NECAP2: variants seen among roughly 807,000 people sequenced by gnomAD.
NECAP2 encodes adaptin ear-binding coat-associated protein 2.
NECAP2 carries 38 observed loss-of-function variants against 37.8 expected under a neutral mutation model. That is an observed-to-expected ratio of 1.01 (90% CI 0.78 to 1.32). The LOEUF (loss-of-function observed/expected upper bound fraction) is 1.32, where lower values mean the gene tolerates loss of function less well. Among genes scored for constraint, NECAP2 ranks in the 40% most tolerant of loss-of-function variants. NECAP2 has a pLI of 0.00. For synonymous variants in NECAP2, 121 were observed against 127.7 expected (o/e 0.95, Z 0.35); for missense variants, 316 against 334.5 (o/e 0.94, Z 0.43).
rs112886526 is a variant in NECAP2 at position 16,441,284 on chromosome 1, C to G, written c.92+431C>G. 260 of 173,462 alleles carry G rather than the reference C, an allele frequency of 1.5e-3. 2 individuals are homozygous for G. Among genetic ancestry groups the G allele is most frequent in the African/African-American group, 5.7e-3 (242 of 42,332 alleles). The allele number at this position is 173,462 out of a possible 1,614,324, so 10.7% of individuals were successfully genotyped here. A position where few individuals can be genotyped will look rare whatever the true frequency, so the allele number is the denominator to read the frequency against. The stretch of plus-strand genomic sequence containing the variant: ...CCAGAGCCGGCTGAAAGGACCGGTC[C>G]CGGGGAGCTTTAAGGTGACGGTCGA... On this transcript the variant is annotated intron_variant, in intron 1 of 7. Coordinates refer to ENST00000337132, the MANE Select transcript of NECAP2 (RefSeq NM_018090.5).
chr1:16,459,519 G>A lies in NECAP2; in HGVS notation c.*629G>A, dbSNP rs2086982895. 1 of 152,300 alleles carries A rather than the reference G, an allele frequency of 6.6e-6. No individual in the cohort carries two copies. The highest frequency in any genetic ancestry group is 6.5e-5 in the Admixed American group (1 of 15,276). 9.4% of individuals were successfully genotyped at this position (152,300 alleles called of 1,614,324 possible). Reference sequence around the variant, plus strand: ...CTTTGCAAAAGGAACTGCTCCCTCGGCGTGCCCCAGCTGGGGCCTCTGAAG... The same window carrying A: ...CTTTGCAAAAGGAACTGCTCCCTCGACGTGCCCCAGCTGGGGCCTCTGAAG... On this transcript the variant is annotated 3_prime_UTR_variant, in exon 8 of 8. Transcript: ENST00000337132.
chr1:16,459,264 G>A lies in NECAP2; in HGVS notation c.*374G>A, dbSNP rs1194130004. On this transcript the variant is annotated 3_prime_UTR_variant, in exon 8 of 8. Coordinates refer to ENST00000337132, the MANE Select transcript of NECAP2 (RefSeq NM_018090.5). ...CCAGGATTCAGATCAGCCCTTCCCAGGGTCTGCAGGTGTCACATGATCACA... is the reference window on the plus strand; with the variant it reads ...CCAGGATTCAGATCAGCCCTTCCCAAGGTCTGCAGGTGTCACATGATCACA... The A allele has an allele frequency of 1.6e-5, 4 of 257,214 alleles. No homozygotes were observed. Among genetic ancestry groups the A allele is most frequent in the Non-Finnish European group, 3.0e-5 (4 of 135,514 alleles). The allele number at this position is 257,214 out of a possible 1,614,324, so 15.9% of individuals were successfully genotyped here. A position where few individuals can be genotyped will look rare whatever the true frequency, so the allele number is the denominator to read the frequency against.
chr1:16,447,731 T>C (rs1156304887), intron 2 of NECAP2, 139 bp from the exon 3 acceptor site: 1 of 682,750 alleles, frequency 1.5e-6, no homozygotes, highest in Non-Finnish European at 2.6e-6. Context: ...TGGATTCGAT[T>C]TGAATCCCAC....
At chr1:16,452,401 CA>C (rs139014464) in intron 6 of NECAP2, among the ~76,000 whole-genome samples, 28,050 of 152,022 alleles carry the variant, frequency 0.18, 3,144 homozygotes, top group South Asian at 0.34. Context: ...GGCCTAGACC[CA>C]CCATCAGCTG....
rs530560204 is a variant in NECAP2, at chr1:16,456,130, TCTC to T, written c.743+240_743+242del. ...CCTCTGCCTCCCAGGTTCAAGCTAT[TCTC>T]CTGCCTCAGCCTCCTGAGTAGCTGG... On this transcript the variant is annotated intron_variant, in intron 7 of 7. Transcript: ENST00000337132. 5.1e-4 allele frequency among the ~76,000 whole-genome samples: 77 copies of T among 152,086 alleles called. 1 individual carries two copies. The highest frequency in any genetic ancestry group is 2.7e-3 in the Admixed American group (42 of 15,280).
At chr1:16,454,416 C>T (rs1450162973) in intron 6 of NECAP2, among the ~76,000 whole-genome samples, 2 of 151,698 alleles carry the variant, frequency 1.3e-5, no homozygotes, top group East Asian at 1.9e-4. Flanking sequence ...AGTGCAGTGG[C>T]ATGATCTCAG....
chr1:16,452,516 G>A (rs1377677969), intron 6 of NECAP2, among the ~76,000 whole-genome samples: 4 of 152,144 alleles, frequency 2.6e-5, no homozygotes, highest in African/African-American at 4.8e-5. Context: ...AGAAGAACAC[G>A]AATGAGGCCC....
intron 5 of NECAP2, chr1:16,451,578 T>TGGTCGTC: frequency 1.9e-6 from 1 of 521,900 alleles, no homozygotes; most frequent in Admixed American, 3.7e-5. Flanking sequence ...CGTGTAATGG[T>TGGTCGTC]ATATCATTAT....
At chr1:16,452,690 G>C (rs74055683) in intron 6 of NECAP2, among the ~76,000 whole-genome samples, 4,431 of 152,172 alleles carry the variant, frequency 0.029, 216 homozygotes, top group African/African-American at 0.099. Flanking sequence ...GGAGACCCTG[G>C]GATTCCGGAA....
intron 1 of NECAP2, among the ~76,000 whole-genome samples, chr1:16,442,025 C>CTAGA (rs2086696961): frequency 6.7e-6 from 1 of 149,044 alleles, no homozygotes; most frequent in Non-Finnish European, 1.5e-5. Context: ...GTTGTCCAGG[C>CTAGA]TAGAGTGCAA....
intron 5 of NECAP2, chr1:16,451,403 G>A (rs1357711945): frequency 6.2e-6 from 1 of 161,186 alleles, no homozygotes; most frequent in African/African-American, 2.4e-5. Context: ...TCTAGGAGTG[G>A]AACTGCGGAG....
At chr1:16,455,344 C>A (rs188141956) in intron 6 of NECAP2, among the ~76,000 whole-genome samples, 1 of 152,186 alleles carries the variant, frequency 6.6e-6, no homozygotes, top group African/African-American at 2.4e-5. Context: ...GGACTTGGCA[C>A]GTGGCTGGCA....
chr1:16,456,713 C>G (rs372056413), intron 7 of NECAP2, among the ~76,000 whole-genome samples: 17 of 152,276 alleles, frequency 1.1e-4, no homozygotes, highest in Admixed American at 7.2e-4. Context: ...GATTCTAGGA[C>G]AGGGGTCAGC....
At chr1:16,455,797 C>T (rs747071619) in intron 6 of NECAP2, 21 bp from the exon 7 acceptor site, 18 of 1,604,184 alleles carry the variant, frequency 1.1e-5, no homozygotes, top group South Asian at 6.6e-5. Context: ...TCCTACGGGT[C>T]GGACTCGGGA....
intron 2 of NECAP2, among the ~76,000 whole-genome samples, chr1:16,446,304 C>T (rs75577122): frequency 0.051 from 7,797 of 152,308 alleles, 296 homozygotes; most frequent in Non-Finnish European, 0.078. Context: ...TGGTGACTCA[C>T]GCTTATAATC....
chr1:16,440,945 GC>G, intron 1 of NECAP2, 92 bp downstream of exon 1: 1 of 1,097,672 alleles, frequency 9.1e-7, no homozygotes, highest in Non-Finnish European at 1.4e-6. Context: ...GACAGCCCTG[GC>G]CAGTTTTGGG....
chr1:16,449,304 T>C, intron 5 of NECAP2, 103 bp downstream of exon 5: 1 of 739,948 alleles, frequency 1.4e-6, no homozygotes, highest in East Asian at 2.7e-5. Context: ...GTTCAGCAGA[T>C]GTTTAGTGAG....
At chr1:16,442,875 T>C (rs2086708629) in intron 1 of NECAP2, among the ~76,000 whole-genome samples, 1 of 152,182 alleles carries the variant, frequency 6.6e-6, no homozygotes, top group Admixed American at 6.5e-5. Flanking sequence ...TGAGCCGTAG[T>C]TGCGCCACTG....
intron 4 of NECAP2, 98 bp from the exon 5 acceptor site, chr1:16,448,995 C>T (rs2086803065): frequency 3.9e-6 from 3 of 767,842 alleles, no homozygotes; most frequent in Non-Finnish European, 6.5e-6. Context: ...CTACGAGGCT[C>T]AGCCTGGACT....
Sources: gnomAD v4.1 joint callset for allele counts (sites outside exome capture counted in the v4.1 genomes callset) on GRCh38, gnomAD v4.1.1 for gene constraint, MANE v1.5 for transcripts, NCBI Gene and HGNC (gene_info 2026-07-23, HGNC 2026-07-21) for gene names.